Variants in CORO6 observed in about 807,000 individuals in gnomAD.
CORO6 encodes coronin 6, also known as coronin-6.
A neutral mutation model predicts 49.0 loss-of-function variants in CORO6; 43 were observed. That is an observed-to-expected ratio of 0.88 (90% CI 0.69 to 1.13). The LOEUF (loss-of-function observed/expected upper bound fraction) is 1.13. Ranked by LOEUF, CORO6 falls within the 50% of genes most tolerant of loss-of-function variation. The probability of loss-of-function intolerance (pLI) is 0.00; values close to 1 mark genes in which losing one functional copy is unlikely to be tolerated. For synonymous variants in CORO6, 233 were observed against 256.5 expected (o/e 0.91, Z 0.88); for missense variants, 650 against 647.0 (o/e 1.00, Z -0.05).
At position 29,616,983 on chromosome 17, in the gene CORO6, C is replaced by T. The variant is rs1345168241; in HGVS notation, c.813G>A (p.Leu271=). The change falls in exon 7 of 11, where the codon TTG becomes TTA. Residue 271 remains leucine (L), a synonymous_variant. Transcript: ENST00000388767. This position sits in a 1 kb window ranked among gnomAD's most constrained non-coding sequence, Gnocchi z 5.6. ...QEMDTSNGVL[L]PFYDPDSSIV... is the part of the protein sequence containing the mutation. ...TGCTGGAGTCGGGATCGTAAAAGGG[C>T]AATAGGACCCCGTTGCTTGTGTCCA... The T allele has an allele frequency of 6.2e-7, 1 of 1,613,656 alleles. No individual in the cohort carries two copies. The highest frequency in any genetic ancestry group is 8.5e-7 in the Non-Finnish European group (1 of 1,180,016).
chr17:29,616,680 A>G lies in CORO6; in HGVS notation c.1004+22T>C. On this transcript the variant is annotated intron_variant, in intron 8 of 10. Coordinates refer to ENST00000388767, the MANE Select transcript of CORO6 (RefSeq NM_032854.4). This position sits in a 1 kb window ranked among gnomAD's most constrained non-coding sequence, Gnocchi z 5.6. ...GGGGGACAGAGGCGGGTAGGTGTTC[A>G]GGAGGGGCCAAGGCTGCTGACCGGG... 1 of 1,602,832 alleles carries G rather than the reference A, an allele frequency of 6.2e-7. No homozygotes were observed. The highest frequency in any genetic ancestry group is 8.5e-7 in the Non-Finnish European group (1 of 1,171,354).
In CORO6 at chr17:29,615,660, G is replaced by C. The variant is rs1191392190; in HGVS notation, c.*72C>G. The C allele has an allele frequency of 2.1e-6, 3 of 1,415,368 alleles. No individual in the cohort carries two copies. The highest frequency in any genetic ancestry group is 2.6e-4 in the Middle Eastern group (1 of 3,866). The allele number at this position is 1,415,368 out of a possible 1,614,324, so 87.7% of individuals were successfully genotyped here. A position where few individuals can be genotyped will look rare whatever the true frequency, so the allele number is the denominator to read the frequency against. On this transcript the variant is annotated 3_prime_UTR_variant, in exon 11 of 11. Transcript: ENST00000388767. ...CCAGCCCAAGAAGGCGGGGTCCGGAGTTCGGGACTAAAAGCCGGGGCGGGG... is the reference window on the plus strand; with the variant it reads ...CCAGCCCAAGAAGGCGGGGTCCGGACTTCGGGACTAAAAGCCGGGGCGGGG...
In CORO6 at chr17:29,615,661, T is replaced by G; in HGVS notation, c.*71A>C. ...CAGCCCAAGAAGGCGGGGTCCGGAGTTCGGGACTAAAAGCCGGGGCGGGGC... is the reference window on the plus strand; with the variant it reads ...CAGCCCAAGAAGGCGGGGTCCGGAGGTCGGGACTAAAAGCCGGGGCGGGGC... On this transcript the variant is annotated 3_prime_UTR_variant, in exon 11 of 11. Coordinates refer to ENST00000388767, the MANE Select transcript of CORO6 (RefSeq NM_032854.4). 1 of 1,408,534 alleles carries G rather than the reference T, an allele frequency of 7.1e-7. No individual in the cohort carries two copies. The highest frequency in any genetic ancestry group is 3.1e-5 in the Admixed American group (1 of 32,430). The allele number at this position is 1,408,534 out of a possible 1,614,324, so 87.3% of individuals were successfully genotyped here.
rs2035330935 is a variant in CORO6, at chr17:29,621,999, G to A, written c.-63-515C>T. The A allele has an allele frequency of 6.3e-6, 1 of 157,488 alleles. No homozygotes were observed. The highest frequency in any genetic ancestry group is 1.4e-5 in the Non-Finnish European group (1 of 71,174). The allele number at this position is 157,488 out of a possible 1,614,324, so 9.8% of individuals were successfully genotyped here. ...GCCTTTTCCTAAAATTTTGCCAAGGGGGAAGTTCCTCCTGTCCACCAATCT... is the reference window on the plus strand; with the variant it reads ...GCCTTTTCCTAAAATTTTGCCAAGGAGGAAGTTCCTCCTGTCCACCAATCT... On this transcript the variant is annotated intron_variant, in intron 1 of 10. Coordinates refer to ENST00000388767, the MANE Select transcript of CORO6 (RefSeq NM_032854.4). This position sits in a 1 kb window ranked among gnomAD's most constrained non-coding sequence, Gnocchi z 4.2.
Position 29,616,643 on chromosome 17 carries a change from C to A in CORO6, c.1004+59G>T, listed in dbSNP as rs2034944356. The A allele has an allele frequency of 3.1e-6, 5 of 1,590,550 alleles. No homozygotes were observed. The highest frequency in any genetic ancestry group is 4.3e-6 in the Non-Finnish European group (5 of 1,163,074). On this transcript the variant is annotated intron_variant, in intron 8 of 10. Coordinates refer to ENST00000388767, the MANE Select transcript of CORO6 (RefSeq NM_032854.4). The surrounding 1 kb of genome is among the most constrained non-coding windows in gnomAD (Gnocchi z 5.6). ...TACTGGGGAAGCCCCGTGGCTAGGACCCGACATGAGTGGGGGACAGAGGCG... is the reference window on the plus strand; with the variant it reads ...TACTGGGGAAGCCCCGTGGCTAGGAACCGACATGAGTGGGGGACAGAGGCG...
In CORO6 at chr17:29,616,818, A is replaced by G. The variant is rs756756692; in HGVS notation, c.888T>C (p.Ile296=). The change falls in exon 8 of 11, where the codon ATT becomes ATC. Residue 296 remains isoleucine (I), a synonymous_variant. Coordinates refer to ENST00000388767, the MANE Select transcript of CORO6 (RefSeq NM_032854.4). This position sits in a 1 kb window ranked among gnomAD's most constrained non-coding sequence, Gnocchi z 5.6. The stretch of plus-strand genomic sequence containing the variant: ...AGTGCACGAAAGGCGGCTCGTCGGT[A>G]ATCTCAAAGTACCGAATGCTGCTGT... ...KGDSSIRYFE[I]TDEPPFVHYL... 23 of 1,613,570 alleles carry G rather than the reference A, an allele frequency of 1.4e-5. No homozygotes were observed. In the South Asian group the frequency reaches 2.0e-4, roughly 14 times the overall value.
At chr17:29,615,905 A>C in intron 10 of CORO6, 40 bp downstream of exon 10, 2 of 1,579,746 alleles carry the variant, frequency 1.3e-6, no homozygotes, top group Non-Finnish European at 1.7e-6. Flanking sequence ...CGGTTGGGGG[A>C]GATGTAGATT....
At chr17:29,622,660 T>C (rs956692885) in intron 1 of CORO6, 28 bp downstream of exon 1, 30 of 1,150,900 alleles carry the variant, frequency 2.6e-5, no homozygotes, top group Non-Finnish European at 3.2e-5. Context: ...CTGGCTGCGG[T>C]GACGGCCGGG....
At chr17:29,619,522 C>A in intron 3 of CORO6, 129 bp downstream of exon 3, 1 of 906,680 alleles carries the variant, frequency 1.1e-6, no homozygotes. Context: ...AGTCCAGGAG[C>A]TGGGCAGGGC....
chr17:29,617,632 G>A lies in CORO6; in HGVS notation c.634-13C>T, dbSNP rs1405156536. 6.3e-7 allele frequency: 1 copy of A among 1,579,444 alleles called. No individual in the cohort carries two copies. The highest frequency in any genetic ancestry group is 8.6e-7 in the Non-Finnish European group (1 of 1,164,936). ...CCGCAAACCTCTCCTGGGGGGAGGG[G>A]GAGACAGGGAGGGACATCACCCAGC... On this transcript the variant is annotated splice_polypyrimidine_tract_variant and intron_variant, in intron 5 of 10. Coordinates refer to ENST00000388767, the MANE Select transcript of CORO6 (RefSeq NM_032854.4).
chr17:29,615,945 C>T lies in CORO6; in HGVS notation c.1293G>A (p.Ser431=). ...CAGAGTGCAGCAGGGCCGATCTTAC[C>T]GACAAGGGGGCGTCGCTGGCCGACT... ...RSQSASDAPL[S]QQHTLETLLE... Residue 431 remains serine, a splice_region_variant and synonymous_variant, in exon 10 of 11, where the codon TCG becomes TCA. Coordinates refer to ENST00000388767, the MANE Select transcript of CORO6 (RefSeq NM_032854.4). 1 of 1,578,478 alleles carries T rather than the reference C, an allele frequency of 6.3e-7. No individual in the cohort carries two copies. Among genetic ancestry groups the T allele is most frequent in the Non-Finnish European group, 8.6e-7 (1 of 1,160,854 alleles).
Position 29,615,728 on chromosome 17 carries a change from G to T in CORO6, c.*4C>A, listed in dbSNP as rs1297390915. On this transcript the variant is annotated 3_prime_UTR_variant, in exon 11 of 11. Coordinates refer to ENST00000388767, the MANE Select transcript of CORO6 (RefSeq NM_032854.4). The stretch of plus-strand genomic sequence containing the variant: ...GCCCCGCTCCGCCTGCCTGGCGCGC[G>T]GGGCTAGTCCGTGCCGTCCACCAGC... 1 of 1,501,326 alleles carries T rather than the reference G, an allele frequency of 6.7e-7. No homozygotes were observed. The highest frequency in any genetic ancestry group is 8.9e-7 in the Non-Finnish European group (1 of 1,128,744). 93.0% of individuals were successfully genotyped at this position (1,501,326 alleles called of 1,614,324 possible). A position where few individuals can be genotyped will look rare whatever the true frequency, so the allele number is the denominator to read the frequency against.
intron 5 of CORO6, chr17:29,617,867 T>C: frequency 1.5e-6 from 1 of 686,306 alleles, no homozygotes; most frequent in Non-Finnish European, 2.3e-6. Context: ...TTAAGCGCGC[T>C]CAAAGGCCGA....
chr17:29,614,931 T>G lies in CORO6; in HGVS notation c.*801A>C, dbSNP rs922280657. On this transcript the variant is annotated 3_prime_UTR_variant, in exon 11 of 11. Transcript: ENST00000388767. Reference sequence around the variant, plus strand: ...GCCTGGGGGTAGCATTTGCAGAGGCTGGGGGTCTCGTTCCCCTCACTCCCA... The same window carrying G: ...GCCTGGGGGTAGCATTTGCAGAGGCGGGGGGTCTCGTTCCCCTCACTCCCA... 2 of 151,918 alleles carry G rather than the reference T, an allele frequency of 1.3e-5. No individual in the cohort carries two copies. Among genetic ancestry groups the G allele is most frequent in the Non-Finnish European group, 2.9e-5 (2 of 67,988 alleles). 9.4% of individuals were successfully genotyped at this position (151,918 alleles called of 1,614,324 possible).
rs753259381 is a variant in CORO6, at chr17:29,616,241, C to T, written c.1062+38G>A. ...GCGGGGCTTGCTCCGCTCCCTTCCG[C>T]CTCGTAGCCCTGCCCAACCCTTCTC... On this transcript the variant is annotated intron_variant, in intron 9 of 10. Coordinates refer to ENST00000388767, the MANE Select transcript of CORO6 (RefSeq NM_032854.4). This position sits in a 1 kb window ranked among gnomAD's most constrained non-coding sequence, Gnocchi z 5.6. 1 of 1,610,654 alleles carries T rather than the reference C, an allele frequency of 6.2e-7. No homozygotes were observed. Among genetic ancestry groups the T allele is most frequent in the South Asian group, 1.1e-5 (1 of 90,494 alleles).
In CORO6 at chr17:29,619,122, T is replaced by C; in HGVS notation, c.389A>G (p.His130Arg). The change falls in exon 4 of 11, where the codon CAC becomes CGC. Residue 130 changes from histidine (H) to arginine (R), a missense_variant. Transcript: ENST00000388767. The part of the protein sequence containing the change: ...ITEPIITLEG[H>R]SKRVGILSWH... ...GGAGAGGATGCCCACACGCTTGGAG[T>C]GGCCCTCAAGTGTGATGATAGGTTC... 1 of 1,613,496 alleles carries C rather than the reference T, an allele frequency of 6.2e-7. No homozygotes were observed.
chr17:29,615,911 A>AGATT, intron 10 of CORO6, 34 bp downstream of exon 10: 1 of 1,582,168 alleles, frequency 6.3e-7, no homozygotes, highest in Non-Finnish European at 8.6e-7. Context: ...GGGGAGATGT[A>AGATT]GATTGGGCCA....
chr17:29,619,138 T>G lies in CORO6; in HGVS notation c.373A>C (p.Ile125Leu). Residue 125 changes from isoleucine (I) to leucine (L), a missense_variant, in exon 4 of 11, where the codon ATC (isoleucine) becomes CTC (leucine). Ile to Leu is a conservative substitution (Grantham distance 5). Transcript: ENST00000388767. ...CGCTTGGAGTGGCCCTCAAGTGTGA[T>G]GATAGGTTCCGTAATGTTGCGCATG... ...TPMRNITEPIITLEGHSKRVG... is the reference protein window; with the variant it reads ...TPMRNITEPILTLEGHSKRVG... 6.2e-7 allele frequency: 1 copy of G among 1,613,650 alleles called. No individual in the cohort carries two copies. The highest frequency in any genetic ancestry group is 1.1e-5 in the South Asian group (1 of 91,062).
chr17:29,615,946 G>A lies in CORO6; in HGVS notation c.1292C>T (p.Ser431Leu), dbSNP rs2034859568. The A allele has an allele frequency of 6.3e-7, 1 of 1,579,826 alleles. No homozygotes were observed. The highest frequency in any genetic ancestry group is 8.6e-7 in the Non-Finnish European group (1 of 1,161,494). ...AGAGTGCAGCAGGGCCGATCTTACC[G>A]ACAAGGGGGCGTCGCTGGCCGACTG... ...RSQSASDAPLSQQHTLETLLE... is the reference protein window; with the variant it reads ...RSQSASDAPLLQQHTLETLLE... Residue 431 changes from serine (S) to leucine (L), a missense_variant and splice_region_variant, in exon 10 of 11, where the codon TCG becomes TTG. Coordinates refer to ENST00000388767, the MANE Select transcript of CORO6 (RefSeq NM_032854.4).
Sources: allele counts gnomAD v4.1 joint callset, GRCh38; gene constraint gnomAD v4.1.1; non-coding constraint Gnocchi (gnomAD v3.1); transcripts MANE v1.5; gene names NCBI Gene and HGNC (gene_info 2026-07-23, HGNC 2026-07-21).